NCOA2: variants seen among roughly 807,000 people sequenced by gnomAD.
NCOA2 encodes the protein class E basic helix-loop-helix protein 75.
In NCOA2, 21 loss-of-function variants were observed where a neutral mutation model predicts 145.1. The observed-to-expected ratio is 0.14, with a 90% confidence interval of 0.10 to 0.21. NCOA2 has a LOEUF of 0.21. NCOA2 is among the 10% of genes least tolerant of loss of function. The probability of loss-of-function intolerance (pLI) is 1.00; values close to 1 mark genes in which losing one functional copy is unlikely to be tolerated. For synonymous variants in NCOA2, 619 were observed against 637.5 expected (o/e 0.97, Z 0.44); for missense variants, 1,472 against 1,837.6 (o/e 0.80, Z 3.64).
chr8:70,327,322 T>A (rs1221163792), intron 1 of NCOA2, among the ~76,000 whole-genome samples: 1 of 152,214 alleles, frequency 6.6e-6, no homozygotes, highest in Non-Finnish European at 1.5e-5. Context: ...GAATGCAGTA[T>A]GTATTCTCTG....
At chr8:70,288,314 C>A (rs1215959130) in intron 2 of NCOA2, among the ~76,000 whole-genome samples, 2 of 152,050 alleles carry the variant, frequency 1.3e-5, no homozygotes, top group African/African-American at 4.8e-5. Context: ...GTGTGTGGCT[C>A]ATGCCTGTAA....
intron 16 of NCOA2, among the ~76,000 whole-genome samples, chr8:70,131,065 A>G (rs1043713957): frequency 9.9e-5 from 15 of 152,220 alleles, no homozygotes; most frequent in African/African-American, 3.6e-4. Flanking sequence ...AGATTAGTTA[A>G]CTTTTTTATA....
intron 2 of NCOA2, among the ~76,000 whole-genome samples, chr8:70,285,713 C>T (rs907975077): frequency 6.6e-6 from 1 of 152,190 alleles, no homozygotes; most frequent in African/African-American, 2.4e-5. Flanking sequence ...CTTCTGTATA[C>T]CTAAAACATG....
At chr8:70,418,356 A>G in the NCOA2 span, among the ~76,000 whole-genome samples, 1 of 152,194 alleles carries the variant, frequency 6.6e-6, no homozygotes, top group Non-Finnish European at 1.5e-5. Flanking sequence ...GGGCCTACTG[A>G]ACTTCATTTA....
At position 70,190,054 on chromosome 8, in the gene NCOA2, C is replaced by T. The variant is rs191335136; in HGVS notation, c.260-15195G>A. On this transcript the variant is annotated intron_variant, in intron 4 of 22. Coordinates refer to ENST00000452400, the MANE Select transcript of NCOA2 (RefSeq NM_006540.4). ...CAACACACCAGGAACAATACATACA[C>T]CTCAGGATGCTAACAGGGCCTAATT... Among the ~76,000 whole-genome samples, 307 of 152,226 alleles carry T rather than the reference C, an allele frequency of 2.0e-3. 1 individual carries two copies. Among genetic ancestry groups the T allele is most frequent in the African/African-American group, 7.1e-3 (295 of 41,540 alleles).
intron 2 of NCOA2, among the ~76,000 whole-genome samples, chr8:70,246,226 A>G (rs1402950057): frequency 6.6e-6 from 1 of 152,136 alleles, no homozygotes; most frequent in Non-Finnish European, 1.5e-5. Flanking sequence ...AAAAGAAAGC[A>G]GCTGATCACA....
chr8:70,295,436 T>G (rs1419470499), intron 2 of NCOA2, among the ~76,000 whole-genome samples: 1 of 152,190 alleles, frequency 6.6e-6, no homozygotes, highest in Non-Finnish European at 1.5e-5. Flanking sequence ...GACGAGAAGC[T>G]GCCACACTTC....
intron 1 of NCOA2, among the ~76,000 whole-genome samples, chr8:70,393,233 C>T (rs763790984): frequency 3.9e-5 from 6 of 152,176 alleles, no homozygotes; most frequent in Non-Finnish European, 8.8e-5. Context: ...CCCCCAAATG[C>T]TCAGTCTGGT....
At chr8:70,160,682 GGAGAGAGAGAGAGA>G (rs57991576) in intron 9 of NCOA2, among the ~76,000 whole-genome samples, 3 of 58,372 alleles carry the variant, frequency 5.1e-5, no homozygotes, top group Middle Eastern at 8.5e-3. Context: ...AGAGAGAGAG[GGAGAGAGAGAGAGA>G]GAGAGACTGA....
At chr8:70,278,484 T>C (rs1825632127) in intron 2 of NCOA2, among the ~76,000 whole-genome samples, 1 of 152,148 alleles carries the variant, frequency 6.6e-6, no homozygotes, top group South Asian at 2.1e-4. Flanking sequence ...AGGTCTTTTG[T>C]AAGACCTGGG....
chr8:70,256,561 A>G (rs1467840474), intron 2 of NCOA2, among the ~76,000 whole-genome samples: 1 of 152,224 alleles, frequency 6.6e-6, no homozygotes, highest in Non-Finnish European at 1.5e-5. Flanking sequence ...TGACAGACTG[A>G]AGAGAAAGAA....
At chr8:70,412,839 T>C in the NCOA2 span, among the ~76,000 whole-genome samples, 1 of 152,014 alleles carries the variant, frequency 6.6e-6, no homozygotes, top group Non-Finnish European at 1.5e-5. Flanking sequence ...GGCTCATACC[T>C]ATAATCCCAG....
the NCOA2 span, among the ~76,000 whole-genome samples, chr8:70,439,439 T>G: frequency 1.3e-5 from 2 of 152,182 alleles, no homozygotes; most frequent in South Asian, 4.1e-4. Context: ...GATTTGGGTC[T>G]GATCAGTCAG....
chr8:70,430,646 T>C, the NCOA2 span, among the ~76,000 whole-genome samples: 1 of 152,188 alleles, frequency 6.6e-6, no homozygotes, highest in Non-Finnish European at 1.5e-5. Context: ...CGTTTAATAA[T>C]CTGTAAGGAA....
chr8:70,317,116 G>A (rs1217393465), intron 1 of NCOA2, among the ~76,000 whole-genome samples: 4 of 152,180 alleles, frequency 2.6e-5, no homozygotes, highest in African/African-American at 7.2e-5. Flanking sequence ...GCAATGTACC[G>A]CGGTTGCAAT....
At position 70,138,814 on chromosome 8, in the gene NCOA2, G is replaced by A. The variant is rs150011182; in HGVS notation, c.3029-482C>T. Among the ~76,000 whole-genome samples, 330 of 152,334 alleles carry A rather than the reference G, an allele frequency of 2.2e-3. 2 individuals are homozygous for A. The highest frequency in any genetic ancestry group is 7.2e-3 in the African/African-American group (299 of 41,574). ...TTCTGCAAATAGCTTTAATGCCTGG[G>A]TTAATGGAATAGAGTGAAATCCTCT... On this transcript the variant is annotated intron_variant, in intron 14 of 22. Coordinates refer to ENST00000452400, the MANE Select transcript of NCOA2 (RefSeq NM_006540.4).
At chr8:70,153,297 A>C (rs1005045978) in intron 11 of NCOA2, among the ~76,000 whole-genome samples, 6 of 152,234 alleles carry the variant, frequency 3.9e-5, no homozygotes, top group Admixed American at 2.0e-4. Flanking sequence ...CCAAAAAAAC[A>C]GATCTGTGCT....
chr8:70,455,646 A>T, the NCOA2 span, among the ~76,000 whole-genome samples: 1 of 152,110 alleles, frequency 6.6e-6, no homozygotes, highest in African/African-American at 2.4e-5. Context: ...AGGCTGGAAA[A>T]AAAAAATCAC....
At chr8:70,166,537 C>T in intron 7 of NCOA2, 29 bp downstream of exon 7, 1 of 1,608,908 alleles carries the variant, frequency 6.2e-7, no homozygotes, top group East Asian at 2.2e-5. Flanking sequence ...TACACAGACA[C>T]ACAGAACACC....
Sources: gnomAD v4.1 joint callset for allele counts (sites outside exome capture counted in the v4.1 genomes callset) on GRCh38, gnomAD v4.1.1 for gene constraint, MANE v1.5 for transcripts, NCBI Gene and HGNC (gene_info 2026-07-23, HGNC 2026-07-21) for gene names.